Variants in ZNF215 observed in about 807,000 individuals in gnomAD.
The protein encoded by ZNF215 is zinc finger protein 215.
A neutral mutation model predicts 27.2 loss-of-function variants in ZNF215; 24 were observed. The ratio of observed to expected loss-of-function variants is 0.88; its 90% CI spans 0.64 to 1.24. The LOEUF is 1.24. Among genes scored for constraint, ZNF215 ranks in the 50% most tolerant of loss-of-function variants. ZNF215 has a pLI of 0.00. For synonymous variants in ZNF215, 210 were observed against 204.0 expected (o/e 1.03, Z -0.25); for missense variants, 675 against 605.7 (o/e 1.11, Z -1.20).
chr11:6,946,523 G>A (rs150117435), intron 6 of ZNF215, among the ~76,000 whole-genome samples: 1,612 of 152,264 alleles, frequency 0.011, 32 homozygotes, highest in African/African-American at 0.037. Context: ...AACGCATTCT[G>A]GTTGTCCCTG....
At chr11:6,963,696 TAAG>T (rs987608205) in intron 5 of ZNF215, among the ~76,000 whole-genome samples, 4 of 152,118 alleles carry the variant, frequency 2.6e-5, no homozygotes, top group Non-Finnish European at 5.9e-5. Flanking sequence ...TTTATCTTGA[TAAG>T]AAACTGTCAA....
exon 6 of ZNF215, chr11:6,984,178 G>T (rs772935669): frequency 5.5e-6 from 2 of 364,180 alleles, no homozygotes; most frequent in Non-Finnish European, 1.1e-5. Flanking sequence ...ATGCAGTCTC[G>T]GCTCACTGCA....
chr11:6,989,306 T>C (rs1210814743), downstream of ZNF215, among the ~76,000 whole-genome samples: 3 of 152,172 alleles, frequency 2.0e-5, no homozygotes, highest in African/African-American at 7.2e-5. Flanking sequence ...TTCCCAAACC[T>C]ACTTCTTTCT....
chr11:6,971,748 T>C (rs1850723186), intron 5 of ZNF215, among the ~76,000 whole-genome samples: 1 of 152,096 alleles, frequency 6.6e-6, no homozygotes, highest in Non-Finnish European at 1.5e-5. Flanking sequence ...AGTTCACACA[T>C]TCTGATTCAG....
chr11:6,943,545 G>A lies in ZNF215; in HGVS notation c.617-1G>A, dbSNP rs748730256. On this transcript the variant is annotated splice_acceptor_variant, in intron 5 of 6. Transcript: ENST00000278319. LOFTEE classifies it high-confidence loss of function. Reference sequence around the variant, plus strand: ...GTTCTTTTTATTTTCTCCATGAACAGCACATCTACTTTCCAAACCATTTGA... The same window carrying A: ...GTTCTTTTTATTTTCTCCATGAACAACACATCTACTTTCCAAACCATTTGA... 6.2e-7 allele frequency: 1 copy of A among 1,612,544 alleles called. No homozygotes were observed. The highest frequency in any genetic ancestry group is 1.1e-5 in the South Asian group (1 of 91,012).
chr11:6,976,735 T>G (rs1850841545), intron 5 of ZNF215, among the ~76,000 whole-genome samples: 1 of 152,078 alleles, frequency 6.6e-6, no homozygotes, highest in Non-Finnish European at 1.5e-5. Flanking sequence ...TCTAGCTGAG[T>G]GATTACAATT....
chr11:6,953,608 G>A (rs1046171212), intron 6 of ZNF215, among the ~76,000 whole-genome samples: 1 of 152,126 alleles, frequency 6.6e-6, no homozygotes, highest in African/African-American at 2.4e-5. Flanking sequence ...GCACTTCTCT[G>A]TATTGGTTAT....
intron 5 of ZNF215, among the ~76,000 whole-genome samples, chr11:6,979,668 C>T (rs1046262433): frequency 2.6e-5 from 4 of 151,722 alleles, no homozygotes; most frequent in Non-Finnish European, 5.9e-5. Context: ...GTAACTTGGC[C>T]GAATTGATTC....
At chr11:6,960,063 A>G (rs1339396514), downstream of ZNF215, among the ~76,000 whole-genome samples, 3 of 152,146 alleles carry the variant, frequency 2.0e-5, no homozygotes, top group African/African-American at 4.8e-5. Context: ...TTAAATGCCA[A>G]TCTCAACCAA....
At chr11:6,988,372 G>C, downstream of ZNF215, 1 of 546,632 alleles carries the variant, frequency 1.8e-6, no homozygotes, top group Non-Finnish European at 2.3e-6. Flanking sequence ...CATCAGAAAA[G>C]GGCTCTGTGA....
intron 2 of ZNF215, among the ~76,000 whole-genome samples, chr11:6,929,119 C>T (rs997376731): frequency 3.3e-5 from 5 of 152,182 alleles, no homozygotes; most frequent in Non-Finnish European, 7.4e-5. Flanking sequence ...TACCCTTTTC[C>T]TCCCCTGGCC....
At position 6,943,272 on chromosome 11, in the gene ZNF215, A is replaced by C. The variant is rs2307015; in HGVS notation, c.616+57A>C. 139 of 1,563,244 alleles carry C rather than the reference A, an allele frequency of 8.9e-5. 1 individual carries two copies. The East Asian group carries it at 3.1e-3, about 35-fold the overall frequency. On this transcript the variant is annotated intron_variant, in intron 5 of 6. Coordinates refer to ENST00000278319, the MANE Select transcript of ZNF215 (RefSeq NM_013250.4). ...TTTAGTAATCTCTTCCTACCGTTAA[A>C]AGCTATAGGACTGCTGAAGTGGCTA...
At chr11:6,981,498 T>A (rs1225901796) in intron 5 of ZNF215, among the ~76,000 whole-genome samples, 2 of 152,198 alleles carry the variant, frequency 1.3e-5, no homozygotes, top group African/African-American at 4.8e-5. Context: ...CATTTTAGAT[T>A]CTGGATATCA....
Position 6,956,379 on chromosome 11 carries a change from G to T in ZNF215, c.1402G>T (p.Gly468Ter). 6.2e-7 allele frequency: 1 copy of T among 1,614,070 alleles called. No homozygotes were observed. Among genetic ancestry groups the T allele is most frequent in the Non-Finnish European group, 8.5e-7 (1 of 1,180,016 alleles). The change falls in exon 7 of 7, where the codon GGA (glycine) becomes TGA (stop). Residue 468 changes from glycine (G) to a stop codon, truncating the protein, a stop_gained. Transcript: ENST00000278319. LOFTEE classifies it low-confidence loss of function (END_TRUNC). ...CAATTTCTATCAATGTGTTAACTGT[G>T]GAAAATCCTTCAACCGGAGCTCCTC... is the stretch of plus-strand genomic sequence containing the variant. ...GNNFYQCVNC[G>*]KSFNRSSSLI... is the part of the protein sequence containing the mutation.
Position 6,927,705 on chromosome 11 carries a change from C to T in ZNF215, c.-282C>T, listed in dbSNP as rs1239824267. 6.6e-6 allele frequency: 1 copy of T among 152,238 alleles called. No individual in the cohort carries two copies. Among genetic ancestry groups the T allele is most frequent in the Non-Finnish European group, 1.5e-5 (1 of 68,080 alleles). The allele number at this position is 152,238 out of a possible 1,614,324, so 9.4% of individuals were successfully genotyped here. On this transcript the variant is annotated 5_prime_UTR_variant, in exon 2 of 7. Coordinates refer to ENST00000278319, the MANE Select transcript of ZNF215 (RefSeq NM_013250.4). The stretch of plus-strand genomic sequence containing the variant: ...TAAGCTACTTGCAGTCACGTCACAC[C>T]TTGGATCTCTATCATCAAAACTATT...
At chr11:6,971,310 A>G (rs943156398) in intron 5 of ZNF215, among the ~76,000 whole-genome samples, 2 of 152,182 alleles carry the variant, frequency 1.3e-5, no homozygotes, top group African/African-American at 4.8e-5. Flanking sequence ...CAGTGAATTA[A>G]TCATATCTCG....
chr11:6,974,947 G>A (rs1850799986), intron 5 of ZNF215, among the ~76,000 whole-genome samples: 1 of 92,336 alleles, frequency 1.1e-5, no homozygotes, highest in Non-Finnish European at 2.6e-5. Context: ...GGAGTGGTGA[G>A]AGAGGGCATC....
chr11:6,926,942 G>A (rs1218740657), intron 1 of ZNF215: 3 of 144,356 alleles, frequency 2.1e-5, no homozygotes, highest in African/African-American at 7.6e-5. Flanking sequence ...GACAAGCGTT[G>A]AGAGCAGCGA....
At chr11:6,973,852 A>T (rs914139031) in intron 5 of ZNF215, among the ~76,000 whole-genome samples, 34 of 151,964 alleles carry the variant, frequency 2.2e-4, no homozygotes, top group Non-Finnish European at 2.9e-5. Context: ...TTGCCTGTTG[A>T]CTCTGATGGT....
Sources: allele counts gnomAD v4.1 joint callset (sites outside exome capture counted in the v4.1 genomes callset), GRCh38; gene constraint gnomAD v4.1.1; transcripts MANE v1.5; gene names NCBI Gene and HGNC (gene_info 2026-07-23, HGNC 2026-07-21).